SORD: variants seen among roughly 807,000 people sequenced by gnomAD.
SORD encodes sorbitol dehydrogenase.
Under a neutral mutation model 35.6 loss-of-function variants are expected in SORD, and 18 were observed. The observed-to-expected ratio is 0.51, with a 90% CI of 0.35 to 0.75. The LOEUF (loss-of-function observed/expected upper bound fraction) is 0.75, where lower values mean the gene tolerates loss of function less well. Ranked by LOEUF, SORD falls within the 30% of genes least tolerant of loss-of-function variation. The pLI, the probability that SORD is intolerant of heterozygous loss-of-function variation, is 0.01. For synonymous variants in SORD, 106 were observed against 152.9 expected (o/e 0.69, Z 2.26); for missense variants, 250 against 390.2 (o/e 0.64, Z 3.03).
At chr15:45,048,544 A>G (rs1893080558) in intron 3 of SORD, among the ~76,000 whole-genome samples, 2 of 152,184 alleles carry the variant, frequency 1.3e-5, no homozygotes, top group African/African-American at 4.8e-5. Context: ...CCTGGGCATC[A>G]TGGAAAAACC....
intron 1 of SORD, chr15:45,036,407 T>A (rs1892866717): frequency 4.4e-6 from 2 of 454,188 alleles, no homozygotes; most frequent in African/African-American, 4.0e-5. Flanking sequence ...AGATAAGAAA[T>A]TCGGCCAGGC....
chr15:45,049,418 C>G (rs1336739359), intron 3 of SORD, among the ~76,000 whole-genome samples: 2 of 152,116 alleles, frequency 1.3e-5, no homozygotes, highest in African/African-American at 4.8e-5. Flanking sequence ...GTTCCATTTG[C>G]ATCACCATTT....
chr15:45,029,634 T>C (rs1892738606), intron 1 of SORD, among the ~76,000 whole-genome samples: 1 of 152,280 alleles, frequency 6.6e-6, no homozygotes, highest in Non-Finnish European at 1.5e-5. Context: ...GGCATGCCAC[T>C]GGTGAGGGGC....
At chr15:45,041,803 T>C (rs1465754417) in intron 2 of SORD, 1 of 152,228 alleles carries the variant, frequency 6.6e-6, no homozygotes, top group Non-Finnish European at 1.5e-5. Flanking sequence ...GCTTGCACTC[T>C]CGTCTCTTGC....
In SORD at chr15:45,073,595, G is replaced by A. The variant is rs571979170; in HGVS notation, c.*65G>A. 1.3e-4 allele frequency: 198 copies of A among 1,533,780 alleles called. 4 individuals carry two copies. In the African/African-American group the frequency reaches 2.9e-3, roughly 23 times the overall value. ...CTCAGGGCACAATGGCTGGACATGG[G>A]TGGGCTCTGATGCAGAACTTTCTCT... is the stretch of plus-strand genomic sequence containing the variant. On this transcript the variant is annotated 3_prime_UTR_variant, in exon 9 of 9. Transcript: ENST00000267814.
At chr15:45,053,904 T>C (rs1268708658) in intron 3 of SORD, among the ~76,000 whole-genome samples, 6 of 139,980 alleles carry the variant, frequency 4.3e-5, no homozygotes, top group Non-Finnish European at 7.7e-5. Context: ...GTTTGGTTTT[T>C]TGTCCTTGCG....
chr15:45,068,766 C>T (rs1452174204), intron 6 of SORD, 111 bp from the exon 7 acceptor site: 29 of 1,385,800 alleles, frequency 2.1e-5, no homozygotes, highest in Admixed American at 9.1e-5. Context: ...ACCCATTGCA[C>T]GAGAGCTTTG....
chr15:45,031,512 AGCT>A (rs1368696049), intron 1 of SORD, among the ~76,000 whole-genome samples: 1 of 152,232 alleles, frequency 6.6e-6, no homozygotes, highest in Non-Finnish European at 1.5e-5. Context: ...TCACGGGCAG[AGCT>A]TCTACAGGCT....
At chr15:45,026,818 A>G (rs79940886) in intron 1 of SORD, among the ~76,000 whole-genome samples, 25,821 of 140,276 alleles carry the variant, frequency 0.18, no homozygotes, top group African/African-American at 0.44. Context: ...CCTACTTGAG[A>G]TAAGGCCAGG....
At chr15:45,036,357 T>TG in intron 1 of SORD, 1 of 455,944 alleles carries the variant, frequency 2.2e-6, no homozygotes. Flanking sequence ...AAAGAAGAAT[T>TG]ACTCAATTCC....
intron 3 of SORD, among the ~76,000 whole-genome samples, chr15:45,047,854 G>C (rs1194183397): frequency 6.6e-6 from 1 of 152,174 alleles, no homozygotes; most frequent in East Asian, 1.9e-4. Flanking sequence ...TCAGGCAGGG[G>C]GTCTGCCAGG....
intron 1 of SORD, among the ~76,000 whole-genome samples, chr15:45,035,084 G>A (rs1049991342): frequency 5.3e-5 from 8 of 152,128 alleles, no homozygotes; most frequent in Non-Finnish European, 1.2e-4. Flanking sequence ...GGCAGGGCTC[G>A]GGACCTGCAG....
At chr15:45,073,056 G>A (rs532852253) in intron 8 of SORD, among the ~76,000 whole-genome samples, 2 of 133,932 alleles carry the variant, frequency 1.5e-5, no homozygotes, top group South Asian at 2.2e-4. Context: ...GCCTCCCCAC[G>A]GCTTCTCTGC....
At chr15:45,066,789 T>C (rs1164634851) in intron 5 of SORD, among the ~76,000 whole-genome samples, 1 of 152,280 alleles carries the variant, frequency 6.6e-6, no homozygotes, top group East Asian at 1.9e-4. Flanking sequence ...GGATGTAGAA[T>C]AGACTTGCCA....
intron 4 of SORD, among the ~76,000 whole-genome samples, chr15:45,064,583 C>G (rs1234176336): frequency 6.6e-6 from 1 of 152,078 alleles, no homozygotes; most frequent in Non-Finnish European, 1.5e-5. Context: ...GTCCTTTTTT[C>G]TTCTTGACTG....
chr15:45,028,465 T>C (rs1892716005), intron 1 of SORD, among the ~76,000 whole-genome samples: 1 of 151,340 alleles, frequency 6.6e-6, no homozygotes, highest in Non-Finnish European at 1.5e-5. Context: ...TGGCTCTTCC[T>C]TCAGGCAGGA....
intron 3 of SORD, among the ~76,000 whole-genome samples, chr15:45,055,316 C>T (rs572248763): frequency 1.1e-4 from 16 of 152,094 alleles, no homozygotes; most frequent in African/African-American, 3.1e-4. Flanking sequence ...ATATCACCAC[C>T]GATCCCACAG....
Position 45,044,822 on chromosome 15 carries a change from C to T in SORD, c.265+1401C>T, listed in dbSNP as rs574767911. Among the ~76,000 whole-genome samples the T allele has an allele frequency of 3.9e-5, 6 of 151,966 alleles. No individual in the cohort carries two copies. In the East Asian group the frequency reaches 5.8e-4, roughly 15 times the overall value. On this transcript the variant is annotated intron_variant, in intron 3 of 8. Coordinates refer to ENST00000267814, the MANE Select transcript of SORD (RefSeq NM_003104.6). The stretch of plus-strand genomic sequence containing the variant: ...AAGTGATTCCCGTGCCTCAGCCTCC[C>T]GAGTAGCTGGGATTACAGACATGCA...
rs544815608 is a variant in SORD, at chr15:45,037,930, C to T, written c.67-2478C>T. Among the ~76,000 whole-genome samples the T allele has an allele frequency of 7.3e-5, 11 of 151,526 alleles. No homozygotes were observed. The East Asian group carries it at 2.1e-3, about 29-fold the overall frequency. On this transcript the variant is annotated intron_variant, in intron 1 of 8. Coordinates refer to ENST00000267814, the MANE Select transcript of SORD (RefSeq NM_003104.6). The stretch of plus-strand genomic sequence containing the variant: ...ACATGTATACTTATGTAACAAACCT[C>T]AGGTTCTGCACATGTATCCCAGAAC...
Sources: allele counts gnomAD v4.1 joint callset (sites outside exome capture counted in the v4.1 genomes callset), GRCh38; gene constraint gnomAD v4.1.1; transcripts MANE v1.5; gene names NCBI Gene and HGNC (gene_info 2026-07-23, HGNC 2026-07-21).